Variants in KIAA1217 observed in about 807,000 individuals in gnomAD.
KIAA1217 encodes the protein sickle tail protein homolog.
In KIAA1217, 88 loss-of-function variants were observed where a neutral mutation model predicts 163.9. The observed-to-expected ratio is 0.54, with a 90% CI of 0.45 to 0.64. The LOEUF (loss-of-function observed/expected upper bound fraction) is 0.64. KIAA1217 is among the 30% of genes least tolerant of loss of function. The pLI, the probability that KIAA1217 is intolerant of heterozygous loss-of-function variation, is 0.00. For missense variants in KIAA1217, 2,372 were observed against 2,475.0 expected (o/e 0.96, Z 0.88); for synonymous variants, 903 against 923.1 (o/e 0.98, Z 0.39).
intron 5 of KIAA1217, among the ~76,000 whole-genome samples, chr10:24,459,122 G>A (rs981020655): frequency 6.6e-6 from 1 of 152,164 alleles, no homozygotes; most frequent in African/African-American, 2.4e-5. Flanking sequence ...GAGAACCACT[G>A]TCCGAGAGTA....
chr10:23,886,741 CT>C (rs1437140742), intron 1 of KIAA1217, among the ~76,000 whole-genome samples: 7 of 151,416 alleles, frequency 4.6e-5, no homozygotes, highest in Non-Finnish European at 4.4e-5. Context: ...GTGGTTATGG[CT>C]TTTTTATATT....
intron 2 of KIAA1217, among the ~76,000 whole-genome samples, chr10:24,238,168 T>C (rs1455771463): frequency 6.6e-6 from 1 of 152,244 alleles, no homozygotes; most frequent in African/African-American, 2.4e-5. Flanking sequence ...TCCAAAACTC[T>C]GCAGTGTCAC....
chr10:24,172,169 C>A (rs1453815364), intron 2 of KIAA1217, among the ~76,000 whole-genome samples: 1 of 152,150 alleles, frequency 6.6e-6, no homozygotes, highest in Non-Finnish European at 1.5e-5. Flanking sequence ...TTCTTGGTTT[C>A]TATTGAGACA....
chr10:24,207,282 T>TCTCACACACACACACA (rs529791287), upstream of KIAA1217, among the ~76,000 whole-genome samples: 67 of 140,236 alleles, frequency 4.8e-4, no homozygotes, highest in African/African-American at 1.9e-3. Flanking sequence ...TCTCTCTCTC[T>TCTCACACACACACACA]CACACACACA....
chr10:23,763,225 C>T (rs190105094), intron 1 of KIAA1217, among the ~76,000 whole-genome samples: 105 of 152,294 alleles, frequency 6.9e-4, no homozygotes, highest in African/African-American at 2.4e-3. Context: ...TTCCATCAAA[C>T]TACCATTGGC....
intron 2 of KIAA1217, among the ~76,000 whole-genome samples, chr10:24,099,507 C>T (rs1465155551): frequency 2.7e-5 from 4 of 150,354 alleles, no homozygotes; most frequent in Non-Finnish European, 5.9e-5. Context: ...CTATGAAGGA[C>T]ATTAACTCAT....
At chr10:24,119,842 A>T (rs1266210658) in intron 2 of KIAA1217, among the ~76,000 whole-genome samples, 9 of 152,210 alleles carry the variant, frequency 5.9e-5, no homozygotes, top group African/African-American at 2.2e-4. Flanking sequence ...TGTCTGGGCA[A>T]GAAGGAACAT....
At position 23,869,130 on chromosome 10, in the gene KIAA1217, T is replaced by G. The variant is rs11013764; in HGVS notation, c.-320-138095T>G. On this transcript the variant is annotated intron_variant, in intron 1 of 18. Coordinates refer to the KIAA1217 transcript ENST00000376462. Reference sequence around the variant, plus strand: ...CGTGCAATCATGAAATGTAGTTTTTTTTTTTTTTTTTTTTTTTTTTTTTTG... The same window carrying G: ...CGTGCAATCATGAAATGTAGTTTTTGTTTTTTTTTTTTTTTTTTTTTTTTG... Among the ~76,000 whole-genome samples the G allele has an allele frequency of 1.6e-3, 213 of 133,772 alleles. 1 individual carries two copies. In the East Asian group the frequency reaches 0.019, roughly 12 times the overall value. 87.8% of individuals were successfully genotyped at this position (133,772 alleles called of 152,430 possible).
rs1304052899 is a variant in KIAA1217 at position 24,546,308 on chromosome 10, C to G, written c.5816C>G (p.Ala1939Gly). 5 of 1,596,470 alleles carry G rather than the reference C, an allele frequency of 3.1e-6. No individual in the cohort carries two copies. The highest frequency in any genetic ancestry group is 3.4e-6 in the Non-Finnish European group (4 of 1,172,010). ...TCAAGCAAAGCCACCCCATCCACAG[C>G]AAAAGAAACCTCTTAAAGGTCAAAT... ...GSSSKATPST[A>G]KETS Residue 1939 changes from alanine (A) to glycine (G), a missense_variant, in exon 21 of 21, where the codon GCA becomes GGA. Around this residue, in one of 3 missense-constraint regions of KIAA1217, gnomAD observed 690 missense variants for 677.5 expected, o/e 1.02. Transcript: ENST00000376454.
intron 2 of KIAA1217, among the ~76,000 whole-genome samples, chr10:24,090,152 CT>C (rs1038589152): frequency 7.3e-5 from 10 of 137,314 alleles, no homozygotes; most frequent in African/African-American, 2.9e-4. Context: ...TTCTTTCTTT[CT>C]TTTTCTTTTT....
At chr10:24,320,965 T>C (rs886654403) in intron 2 of KIAA1217, among the ~76,000 whole-genome samples, 2 of 151,450 alleles carry the variant, frequency 1.3e-5, no homozygotes, top group Admixed American at 6.6e-5. Context: ...GAGAATGGCG[T>C]GAACCCAGGA....
intron 2 of KIAA1217, among the ~76,000 whole-genome samples, chr10:24,039,784 TGATATAGATATAGATAGATATAGATATA>T (rs1848549381): frequency 6.8e-6 from 1 of 146,632 alleles, no homozygotes; most frequent in South Asian, 2.2e-4. Flanking sequence ...CTTATTGGCA[TGATATAGATATAGATAGATATAGATATA>T]GATATAGATA....
intron 1 of KIAA1217, among the ~76,000 whole-genome samples, chr10:23,918,765 CATAT>C (rs202081168): frequency 1.3e-5 from 2 of 150,292 alleles, no homozygotes; most frequent in South Asian, 4.2e-4. Flanking sequence ...CACACACACA[CATAT>C]ATAGTAAGTG....
At chr10:23,727,869 C>G (rs551752389) in intron 1 of KIAA1217, among the ~76,000 whole-genome samples, 1 of 152,262 alleles carries the variant, frequency 6.6e-6, no homozygotes, top group East Asian at 1.9e-4. Flanking sequence ...CATTGTTGAA[C>G]TCTCACTTAT....
intron 1 of KIAA1217, among the ~76,000 whole-genome samples, chr10:23,926,749 A>G (rs181251735): frequency 5.9e-5 from 9 of 151,346 alleles, no homozygotes; most frequent in African/African-American, 2.2e-4. Flanking sequence ...AAATAAATAA[A>G]TAAATAAATA....
At chr10:23,744,653 A>G (rs1839297924) in intron 1 of KIAA1217, among the ~76,000 whole-genome samples, 1 of 152,214 alleles carries the variant, frequency 6.6e-6, no homozygotes, top group Non-Finnish European at 1.5e-5. Context: ...GTAATTTTCC[A>G]TCAGTCTTAG....
intron 1 of KIAA1217, among the ~76,000 whole-genome samples, chr10:23,883,424 C>T (rs750925520): frequency 1.3e-5 from 2 of 151,918 alleles, no homozygotes; most frequent in Non-Finnish European, 2.9e-5. Context: ...GAGTTGGTTG[C>T]TGTGGACAAA....
At chr10:24,168,029 A>C (rs2065439306) in intron 2 of KIAA1217, among the ~76,000 whole-genome samples, 1 of 152,156 alleles carries the variant, frequency 6.6e-6, no homozygotes, top group Admixed American at 6.5e-5. Flanking sequence ...ACAGTTTTGC[A>C]CTGGGGGTTA....
At chr10:23,773,753 G>A (rs1834895579) in intron 1 of KIAA1217, among the ~76,000 whole-genome samples, 1 of 151,996 alleles carries the variant, frequency 6.6e-6, no homozygotes, top group Non-Finnish European at 1.5e-5. Context: ...CTCATGATTT[G>A]GCTCTCTGTC....
Sources: allele counts gnomAD v4.1 joint callset (sites outside exome capture counted in the v4.1 genomes callset), GRCh38; gene constraint gnomAD v4.1.1; regional missense constraint gnomAD v4.1.1; transcripts MANE v1.5; gene names NCBI Gene and HGNC (gene_info 2026-07-23, HGNC 2026-07-21).